EPHA6: variants seen among roughly 807,000 people sequenced by gnomAD.
The protein encoded by EPHA6 is ephrin type-A receptor 6.
In EPHA6, 50 loss-of-function variants were observed where a neutral mutation model predicts 112.0. The observed-to-expected ratio is 0.45, with a 90% confidence interval of 0.36 to 0.56. The LOEUF (loss-of-function observed/expected upper bound fraction) is 0.56, where lower values mean the gene tolerates loss of function less well. Among genes scored for constraint, EPHA6 ranks in the 20% least tolerant of loss-of-function variants. EPHA6 has a pLI of 0.00. For synonymous variants in EPHA6, 529 were observed against 490.7 expected, an observed-to-expected ratio of 1.08 and a Z score of -1.03; for missense variants, 1,280 against 1,417.4, an observed-to-expected ratio of 0.90 and a Z score of 1.56.
At chr3:97,199,723 A>G (rs2077531684) in intron 3 of EPHA6, among the ~76,000 whole-genome samples, 1 of 152,266 alleles carries the variant, frequency 6.6e-6, no homozygotes, top group South Asian at 2.1e-4. Flanking sequence ...TGGGATTCTA[A>G]TTATCTCCTT....
At chr3:97,613,897 G>A (rs1378076598) in intron 13 of EPHA6, among the ~76,000 whole-genome samples, 1 of 152,076 alleles carries the variant, frequency 6.6e-6, no homozygotes, top group East Asian at 1.9e-4. Context: ...CGAATTAAAT[G>A]TAACCTTGAC....
intron 14 of EPHA6, among the ~76,000 whole-genome samples, chr3:97,641,894 G>C (rs1401148226): frequency 1.3e-5 from 2 of 151,764 alleles, no homozygotes; most frequent in Middle Eastern, 3.4e-3. Context: ...GGCTTGCTTA[G>C]GTAAACAAAG....
chr3:96,934,999 A>G (rs1307086506), intron 2 of EPHA6, among the ~76,000 whole-genome samples: 1 of 151,798 alleles, frequency 6.6e-6, no homozygotes, highest in Non-Finnish European at 1.5e-5. Context: ...TTTCAATCAT[A>G]ATATAAAGAT....
intron 15 of EPHA6, among the ~76,000 whole-genome samples, chr3:97,721,219 C>T (rs138361919): frequency 1.6e-3 from 245 of 152,228 alleles, no homozygotes; most frequent in Non-Finnish European, 2.8e-3. Flanking sequence ...ACAAAGGCTA[C>T]GTAACTATAG....
intron 2 of EPHA6, among the ~76,000 whole-genome samples, chr3:96,980,434 A>C (rs1326234264): frequency 6.6e-6 from 1 of 152,184 alleles, no homozygotes; most frequent in Non-Finnish European, 1.5e-5. Context: ...TACCAGTACC[A>C]TGCTGTTTTG....
At chr3:97,257,011 G>C (rs2079336729) in intron 5 of EPHA6, among the ~76,000 whole-genome samples, 1 of 151,956 alleles carries the variant, frequency 6.6e-6, no homozygotes, top group Admixed American at 6.6e-5. Flanking sequence ...AGTCTTGAAA[G>C]AAGTCCTTAC....
At chr3:97,208,946 A>G (rs2077790413) in intron 3 of EPHA6, among the ~76,000 whole-genome samples, 1 of 152,192 alleles carries the variant, frequency 6.6e-6, no homozygotes, top group Non-Finnish European at 1.5e-5. Flanking sequence ...ATATTGTAGT[A>G]TATTATCTTT....
intron 1 of EPHA6, among the ~76,000 whole-genome samples, 156 bp from the exon 2 acceptor site, chr3:96,866,666 TTAA>T (rs2036332196): frequency 6.6e-6 from 1 of 151,714 alleles, no homozygotes. Flanking sequence ...ATATTAATAT[TTAA>T]TATGTAAATT....
At chr3:97,141,228 T>C (rs1253995684) in intron 3 of EPHA6, among the ~76,000 whole-genome samples, 1 of 152,092 alleles carries the variant, frequency 6.6e-6, no homozygotes, top group African/African-American at 2.4e-5. Context: ...CATACAATCA[T>C]AGTGGGGGAT....
intron 14 of EPHA6, among the ~76,000 whole-genome samples, chr3:97,670,896 C>A (rs140579912): frequency 6.6e-6 from 1 of 152,228 alleles, no homozygotes; most frequent in East Asian, 1.9e-4. Context: ...TACAGGACAC[C>A]AAGGCCTTCC....
chr3:97,350,933 G>T (rs1189662309), intron 5 of EPHA6, among the ~76,000 whole-genome samples: 2 of 152,130 alleles, frequency 1.3e-5, no homozygotes, highest in Admixed American at 6.6e-5. Context: ...AATATGAGAT[G>T]TCAGGAAATC....
At chr3:97,568,748 T>C (rs974289742) in intron 11 of EPHA6, among the ~76,000 whole-genome samples, 3 of 152,144 alleles carry the variant, frequency 2.0e-5, no homozygotes, top group African/African-American at 7.2e-5. Context: ...TTAAAGATGG[T>C]GAGGCAGATT....
intron 11 of EPHA6, among the ~76,000 whole-genome samples, chr3:97,553,318 C>T (rs1227935450): frequency 6.6e-6 from 1 of 152,046 alleles, no homozygotes; most frequent in Non-Finnish European, 1.5e-5. Flanking sequence ...TTGCCCTGAC[C>T]TTCCCTCATG....
intron 3 of EPHA6, among the ~76,000 whole-genome samples, chr3:97,126,305 G>T (rs1345875975): frequency 6.6e-6 from 1 of 152,178 alleles, no homozygotes; most frequent in Admixed American, 6.5e-5. Flanking sequence ...TGCACTGGCA[G>T]CTTGGAGCAC....
At chr3:97,118,254 T>C (rs1418378262) in intron 3 of EPHA6, among the ~76,000 whole-genome samples, 3 of 151,852 alleles carry the variant, frequency 2.0e-5, no homozygotes, top group Non-Finnish European at 2.9e-5. Context: ...TCTGTGTGCA[T>C]GTTACCAGGA....
At chr3:97,705,823 T>G (rs551371208) in intron 14 of EPHA6, among the ~76,000 whole-genome samples, 1 of 152,332 alleles carries the variant, frequency 6.6e-6, no homozygotes, top group South Asian at 2.1e-4. Context: ...CTTTTGCCAC[T>G]GGCTTGTGAT....
intron 3 of EPHA6, among the ~76,000 whole-genome samples, chr3:97,188,120 C>G (rs1437320284): frequency 6.6e-6 from 1 of 151,994 alleles, no homozygotes; most frequent in Non-Finnish European, 1.5e-5. Flanking sequence ...TCTTATTTTT[C>G]CAGGAAAATA....
At position 97,532,708 on chromosome 3, in the gene EPHA6, G is replaced by C. The variant is rs140140247; in HGVS notation, c.2386+165G>C. ...GATCCTAGGCTGTGACATTATCAGA[G>C]TTTGCATTGGTCACCAAACAGCTTT... On this transcript the variant is annotated intron_variant, in intron 11 of 17. Transcript: ENST00000389672. 2.8e-3 allele frequency among the ~76,000 whole-genome samples: 433 copies of C among 152,080 alleles called. 4 individuals are homozygous for C. The highest frequency in any genetic ancestry group is 0.01 in the African/African-American group (418 of 41,508).
At chr3:97,285,764 G>T (rs2080444864) in intron 5 of EPHA6, among the ~76,000 whole-genome samples, 2 of 151,964 alleles carry the variant, frequency 1.3e-5, no homozygotes, top group African/African-American at 4.8e-5. Context: ...TCCTATGGTA[G>T]TTCTATTCTT....
Sources: gnomAD v4.1 joint callset for allele counts (sites outside exome capture counted in the v4.1 genomes callset) on GRCh38, gnomAD v4.1.1 for gene constraint, MANE v1.5 for transcripts, NCBI Gene and HGNC (gene_info 2026-07-23, HGNC 2026-07-21) for gene names.